GCNT2: variants seen among roughly 807,000 people sequenced by gnomAD.
The protein encoded by GCNT2 is N-acetyllactosaminide beta-1,6-N-acetylglucosaminyl-transferase.
In GCNT2, 34 loss-of-function variants were observed where a neutral mutation model predicts 34.2. The ratio of observed to expected loss-of-function variants is 1.00; its 90% confidence interval spans 0.76 to 1.32. The LOEUF (loss-of-function observed/expected upper bound fraction) is 1.32. Ranked by LOEUF, GCNT2 falls within the 40% of genes most tolerant of loss-of-function variation. The pLI is 0.00. For synonymous variants in GCNT2, 212 were observed against 188.0 expected, an observed-to-expected ratio of 1.13 and a Z score of -1.04; for missense variants, 584 against 489.4, an observed-to-expected ratio of 1.19 and a Z score of -1.82.
At chr6:10,617,418 C>T (rs33998766) in intron 3 of GCNT2, among the ~76,000 whole-genome samples, 1 of 152,208 alleles carries the variant, frequency 6.6e-6, no homozygotes, top group South Asian at 2.1e-4. Flanking sequence ...TCCCAGCAAG[C>T]TGAGGGAGCT....
At chr6:10,582,817 AAC>A in intron 3 of GCNT2, among the ~76,000 whole-genome samples, 1 of 151,918 alleles carries the variant, frequency 6.6e-6, no homozygotes, top group African/African-American at 2.4e-5. Flanking sequence ...CAACAACAAC[AAC>A]AATCATAGCT....
intron 3 of GCNT2, among the ~76,000 whole-genome samples, chr6:10,538,145 C>T (rs1390310690): frequency 6.6e-6 from 1 of 151,914 alleles, no homozygotes; most frequent in Non-Finnish European, 1.5e-5. Flanking sequence ...CAGTGGCTCA[C>T]GCATGTAATC....
At chr6:10,539,449 A>C (rs908270596) in intron 3 of GCNT2, among the ~76,000 whole-genome samples, 1 of 151,988 alleles carries the variant, frequency 6.6e-6, no homozygotes, top group Non-Finnish European at 1.5e-5. Context: ...TCAGCCTCCC[A>C]AAGTGCTGGA....
chr6:10,575,130 A>G, intron 3 of GCNT2: 1 of 453,136 alleles, frequency 2.2e-6, no homozygotes, highest in East Asian at 4.4e-5. Flanking sequence ...TTTCTTATAG[A>G]TTCACATATA....
At chr6:10,575,169 C>A in intron 3 of GCNT2, 1 of 421,498 alleles carries the variant, frequency 2.4e-6, no homozygotes, top group Non-Finnish European at 4.5e-6. Flanking sequence ...TCCATGTTTT[C>A]TAAAAGGCTT....
At chr6:10,556,298 AG>A in intron 3 of GCNT2, 1 of 1,534,266 alleles carries the variant, frequency 6.5e-7, no homozygotes, top group South Asian at 1.2e-5. Flanking sequence ...ATCGATTCCC[AG>A]CGTCTCCAAC....
intron 3 of GCNT2, among the ~76,000 whole-genome samples, chr6:10,576,494 C>T (rs189955145): frequency 3.9e-5 from 6 of 152,124 alleles, no homozygotes. Context: ...ATAATTGAAG[C>T]CTTCCCTTTT....
rs113843028 is a variant in GCNT2, at chr6:10,543,989, G to A, written c.925+14153G>A. Among the ~76,000 whole-genome samples the A allele has an allele frequency of 5.6e-4, 85 of 152,252 alleles. 2 individuals carry two copies. The South Asian group carries it at 0.012, about 22-fold the overall frequency. On this transcript the variant is annotated intron_variant, in intron 3 of 4. Coordinates refer to ENST00000495262, the MANE Select transcript of GCNT2 (RefSeq NM_145649.5). ...TAGGTCTGTAACTCCTAAATCCTGT[G>A]ACCAAGAAAATAGCTAAGACTCATT...
chr6:10,522,613 A>T (rs556962658), intron 1 of GCNT2, among the ~76,000 whole-genome samples: 1 of 152,312 alleles, frequency 6.6e-6, no homozygotes, highest in South Asian at 2.1e-4. Flanking sequence ...AGCATATTGC[A>T]ATTATCGGAA....
chr6:10,582,341 AAT>A (rs1176797213), intron 3 of GCNT2, among the ~76,000 whole-genome samples: 3 of 108,288 alleles, frequency 2.8e-5, no homozygotes, highest in African/African-American at 5.0e-5. Flanking sequence ...TATACTATAT[AAT>A]ATATAGTAAT....
chr6:10,522,904 A>G lies in GCNT2; in HGVS notation c.-469+1487A>G, dbSNP rs959952351. ...ACACTCAATCCTCAACTCCAGGGTA[A>G]CTTTCTGCAACAGTAAAATTAGACT... On this transcript the variant is annotated intron_variant, in intron 1 of 4. Coordinates refer to ENST00000495262, the MANE Select transcript of GCNT2 (RefSeq NM_145649.5). 2.4e-4 allele frequency among the ~76,000 whole-genome samples: 37 copies of G among 152,190 alleles called. 1 individual carries two copies. The highest frequency in any genetic ancestry group is 3.2e-3 in the Middle Eastern group (1 of 316).
chr6:10,597,447 G>A (rs115193791), intron 3 of GCNT2, among the ~76,000 whole-genome samples: 2,324 of 151,940 alleles, frequency 0.015, 25 homozygotes, highest in Middle Eastern at 0.031. Context: ...TAGCCACCAC[G>A]CCCGGCCAGG....
intron 3 of GCNT2, among the ~76,000 whole-genome samples, chr6:10,533,960 C>T (rs528872384): frequency 6.6e-6 from 1 of 151,880 alleles, no homozygotes; most frequent in African/African-American, 2.4e-5. Context: ...CTAGCAGCAC[C>T]GAGACGTTGG....
chr6:10,531,628 C>G (rs1183345837), intron 3 of GCNT2, among the ~76,000 whole-genome samples: 3 of 152,184 alleles, frequency 2.0e-5, no homozygotes, highest in Non-Finnish European at 4.4e-5. Flanking sequence ...GTGATTTTCT[C>G]AGAGCCAGAA....
intron 3 of GCNT2, among the ~76,000 whole-genome samples, chr6:10,610,350 T>TG (rs2127435064): frequency 6.6e-6 from 1 of 152,318 alleles, no homozygotes; most frequent in African/African-American, 2.4e-5. Context: ...GCTACATGTC[T>TG]GGGAATATGG....
At chr6:10,600,891 A>G (rs1490452761) in intron 3 of GCNT2, among the ~76,000 whole-genome samples, 2 of 152,034 alleles carry the variant, frequency 1.3e-5, no homozygotes, top group Admixed American at 1.3e-4. Flanking sequence ...CCCAGGCTTA[A>G]GCAATCCTCC....
intron 3 of GCNT2, 43 bp downstream of exon 3, chr6:10,529,879 C>T (rs1438560321): frequency 2.1e-6 from 3 of 1,403,600 alleles, no homozygotes; most frequent in Non-Finnish European, 3.0e-6. Context: ...ATAAACACTG[C>T]ATGGTCAATA....
intron 3 of GCNT2, chr6:10,586,236 T>G: frequency 6.2e-7 from 1 of 1,614,184 alleles, no homozygotes; most frequent in Non-Finnish European, 8.5e-7. Flanking sequence ...CCAGAATCAC[T>G]ACATCACAAG....
At chr6:10,626,371 G>A in intron 4 of GCNT2, 46 bp from the exon 5 acceptor site, 1 of 1,402,404 alleles carries the variant, frequency 7.1e-7, no homozygotes, top group Non-Finnish European at 1.0e-6. Flanking sequence ...TCACCCTTTT[G>A]AAAGCAAGCA....
Sources: allele counts gnomAD v4.1 joint callset (sites outside exome capture counted in the v4.1 genomes callset), GRCh38; gene constraint gnomAD v4.1.1; transcripts MANE v1.5; gene names NCBI Gene and HGNC (gene_info 2026-07-23, HGNC 2026-07-21).